Variants in CDYL2 observed in about 807,000 individuals in gnomAD.
CDYL2 encodes chromodomain Y like 2, also known as chromodomain Y-like protein 2.
A neutral mutation model predicts 49.4 loss-of-function variants in CDYL2; 23 were observed. That is an observed-to-expected ratio of 0.47 (90% CI 0.34 to 0.66). The LOEUF is 0.66. Among genes scored for constraint, CDYL2 ranks in the 30% least tolerant of loss-of-function variants. CDYL2 has a pLI of 0.01. For synonymous variants in CDYL2, 360 were observed against 268.8 expected (o/e 1.34, Z -3.32); for missense variants, 678 against 656.4 (o/e 1.03, Z -0.36).
At chr16:80,747,560 G>A (rs1237163187) in intron 1 of CDYL2, among the ~76,000 whole-genome samples, 1 of 152,180 alleles carries the variant, frequency 6.6e-6, no homozygotes, top group African/African-American at 2.4e-5. Flanking sequence ...AATAGTGGTA[G>A]TGGTGGTGAA....
intron 1 of CDYL2, among the ~76,000 whole-genome samples, chr16:80,719,951 T>C (rs117716406): frequency 2.0e-5 from 3 of 152,288 alleles, no homozygotes; most frequent in East Asian, 1.9e-4. Flanking sequence ...CAAACCCTGA[T>C]CATCTGGGAA....
At chr16:80,742,300 A>C (rs1450946939) in intron 1 of CDYL2, 1 of 152,262 alleles carries the variant, frequency 6.6e-6, no homozygotes, top group African/African-American at 2.4e-5. Flanking sequence ...AACACATTCC[A>C]GAATATTCAC....
At chr16:80,801,542 T>C (rs1382152068) in intron 1 of CDYL2, among the ~76,000 whole-genome samples, 2 of 152,258 alleles carry the variant, frequency 1.3e-5, no homozygotes, top group Non-Finnish European at 2.9e-5. Flanking sequence ...AGGTGAAATA[T>C]ATCAATTACA....
intron 1 of CDYL2, among the ~76,000 whole-genome samples, chr16:80,723,244 A>G (rs913526732): frequency 2.0e-5 from 3 of 152,212 alleles, no homozygotes; most frequent in African/African-American, 7.2e-5. Flanking sequence ...TCCTGGCACA[A>G]AGGCTGCATT....
chr16:80,696,406 A>T (rs917616460), intron 1 of CDYL2, among the ~76,000 whole-genome samples: 3 of 152,156 alleles, frequency 2.0e-5, no homozygotes, highest in African/African-American at 4.8e-5. Flanking sequence ...AATAGGGACT[A>T]AAAAATACAA....
intron 2 of CDYL2, among the ~76,000 whole-genome samples, chr16:80,660,961 G>C (rs1433281105): frequency 6.6e-6 from 1 of 152,180 alleles, no homozygotes; most frequent in Non-Finnish European, 1.5e-5. Flanking sequence ...CTAGGGGTAA[G>C]CTGTCTGAGA....
At chr16:80,672,565 GA>G (rs1909569566) in intron 2 of CDYL2, among the ~76,000 whole-genome samples, 1 of 140,404 alleles carries the variant, frequency 7.1e-6, no homozygotes, top group Non-Finnish European at 1.5e-5. Flanking sequence ...GAAAGGAAAG[GA>G]AAGGAAAGGA....
intron 1 of CDYL2, among the ~76,000 whole-genome samples, chr16:80,703,652 C>T (rs1904318471): frequency 6.6e-6 from 1 of 152,122 alleles, no homozygotes; most frequent in Admixed American, 6.5e-5. Context: ...CACACTCTGG[C>T]TCAAGGAGAG....
At chr16:80,685,246 G>A (rs1910144161) in intron 1 of CDYL2, 117 bp from the exon 2 acceptor site, 6 of 766,364 alleles carry the variant, frequency 7.8e-6, no homozygotes, top group Non-Finnish European at 1.3e-5. Flanking sequence ...TAGCCAGGGG[G>A]TGAGCCACGA....
In CDYL2 at chr16:80,702,176, G is replaced by A. The variant is rs141184159; in HGVS notation, c.25-17047C>T. ...TTCCAAGAGGTTCCAAGAGTCAGAA[G>A]GCCTAAAACACACACACACACACAC... On this transcript the variant is annotated intron_variant, in intron 1 of 6. Transcript: ENST00000570137. Among the ~76,000 whole-genome samples, 793 of 136,430 alleles carry A rather than the reference G, an allele frequency of 5.8e-3. 9 individuals carry two copies. The highest frequency in any genetic ancestry group is 0.024 in the African/African-American group (751 of 31,062). 89.5% of individuals were successfully genotyped at this position (136,430 alleles called of 152,430 possible).
intron 1 of CDYL2, among the ~76,000 whole-genome samples, chr16:80,705,904 T>C (rs1336997098): frequency 6.6e-6 from 1 of 152,280 alleles, no homozygotes; most frequent in Non-Finnish European, 1.5e-5. Flanking sequence ...TTTTTATCCA[T>C]AAACATCATA....
In CDYL2 at chr16:80,728,509, T is replaced by G. The variant is rs191377405; in HGVS notation, c.25-43380A>C. On this transcript the variant is annotated intron_variant, in intron 1 of 6. Transcript: ENST00000570137. ...AAGTGATGGGGAGAATGGAACCAAGTTGGAAAACACTCTGCAGGATATCAT... is the reference window on the plus strand; with the variant it reads ...AAGTGATGGGGAGAATGGAACCAAGGTGGAAAACACTCTGCAGGATATCAT... Among the ~76,000 whole-genome samples, 729 of 152,244 alleles carry G rather than the reference T, an allele frequency of 4.8e-3. 5 individuals carry two copies. The highest frequency in any genetic ancestry group is 0.017 in the African/African-American group (701 of 41,528).
intron 2 of CDYL2, among the ~76,000 whole-genome samples, chr16:80,677,678 G>T (rs1354874514): frequency 6.6e-6 from 1 of 151,932 alleles, no homozygotes; most frequent in Admixed American, 6.6e-5. Context: ...GGCGGAGCTT[G>T]CAGTGAGCCA....
chr16:80,687,572 G>C (rs1207352627), intron 1 of CDYL2, among the ~76,000 whole-genome samples: 1 of 152,100 alleles, frequency 6.6e-6, no homozygotes, highest in East Asian at 1.9e-4. Context: ...CTGGCTGGCT[G>C]GATGGATGGA....
chr16:80,713,721 T>C (rs1904699891), intron 1 of CDYL2, among the ~76,000 whole-genome samples: 1 of 152,158 alleles, frequency 6.6e-6, no homozygotes, highest in Non-Finnish European at 1.5e-5. Flanking sequence ...TTTGAGACTG[T>C]CGTGGCCATA....
intron 1 of CDYL2, among the ~76,000 whole-genome samples, chr16:80,761,426 T>G (rs548123962): frequency 6.6e-6 from 1 of 152,232 alleles, no homozygotes; most frequent in African/African-American, 2.4e-5. Context: ...CAGAGCTTAG[T>G]AGAGAGCTTG....
intron 1 of CDYL2, among the ~76,000 whole-genome samples, chr16:80,703,534 C>A (rs933892890): frequency 6.6e-6 from 1 of 152,176 alleles, no homozygotes; most frequent in Non-Finnish European, 1.5e-5. Flanking sequence ...AGTCAATGCC[C>A]ACCCAGCCAC....
intron 1 of CDYL2, among the ~76,000 whole-genome samples, chr16:80,708,166 C>G (rs1168163966): frequency 6.6e-6 from 1 of 152,232 alleles, no homozygotes; most frequent in East Asian, 1.9e-4. Flanking sequence ...GAAGTGGAGA[C>G]GTCAAATCCA....
intron 1 of CDYL2, among the ~76,000 whole-genome samples, chr16:80,734,617 G>C (rs562742872): frequency 2.0e-4 from 30 of 152,234 alleles, no homozygotes; most frequent in South Asian, 1.0e-3. Context: ...ACAATTAAAG[G>C]CATGGGGCTT....
Sources: gnomAD v4.1 joint callset for allele counts (sites outside exome capture counted in the v4.1 genomes callset) on GRCh38, gnomAD v4.1.1 for gene constraint, MANE v1.5 for transcripts, NCBI Gene and HGNC (gene_info 2026-07-23, HGNC 2026-07-21) for gene names.